Variants in DOCK1 observed in about 807,000 individuals in gnomAD.
DOCK1 encodes dedicator of cytokinesis 1, also known as dedicator of cytokinesis protein 1.
A neutral mutation model predicts 262.7 loss-of-function variants in DOCK1; 138 were observed. The ratio of observed to expected loss-of-function variants is 0.53; its 90% CI spans 0.46 to 0.61. The LOEUF is 0.61. Ranked by LOEUF, DOCK1 falls within the 20% of genes least tolerant of loss-of-function variation. The pLI, the probability that DOCK1 is intolerant of heterozygous loss-of-function variation, is 0.00. For missense variants in DOCK1, 1,908 were observed against 2,370.7 expected, an observed-to-expected ratio of 0.80 and a Z score of 4.05; for synonymous variants, 866 against 867.4, an observed-to-expected ratio of 1.00 and a Z score of 0.03.
chr10:127,194,077 C>T (rs558224288), intron 27 of DOCK1, among the ~76,000 whole-genome samples: 28 of 152,334 alleles, frequency 1.8e-4, no homozygotes, highest in African/African-American at 6.7e-4. Context: ...TTTTCAAGGA[C>T]ATCTTGTCTT....
intron 32 of DOCK1, among the ~76,000 whole-genome samples, chr10:127,356,321 G>A (rs149970812): frequency 8.5e-5 from 13 of 152,336 alleles, no homozygotes; most frequent in African/African-American, 3.1e-4. Context: ...CGTGAGGCCT[G>A]ATTCACATGG....
chr10:127,230,812 C>T (rs1044332897), intron 27 of DOCK1, among the ~76,000 whole-genome samples: 1 of 150,942 alleles, frequency 6.6e-6, no homozygotes, highest in Non-Finnish European at 1.5e-5. Flanking sequence ...GGTTCCAAAC[C>T]CATCTTAGAA....
intron 1 of DOCK1, among the ~76,000 whole-genome samples, chr10:126,951,852 A>G (rs1472543364): frequency 7.0e-6 from 1 of 142,612 alleles, no homozygotes; most frequent in Non-Finnish European, 1.5e-5. Flanking sequence ...CAGCCTCTTC[A>G]TTTTTTTTTT....
chr10:127,155,286 G>A (rs551799460), intron 27 of DOCK1, among the ~76,000 whole-genome samples: 1 of 152,134 alleles, frequency 6.6e-6, no homozygotes, highest in South Asian at 2.1e-4. Flanking sequence ...CAAAAGGATT[G>A]TCTGCTACAT....
intron 27 of DOCK1, among the ~76,000 whole-genome samples, chr10:127,204,234 A>C (rs905257600): frequency 3.3e-5 from 5 of 152,158 alleles, no homozygotes; most frequent in Non-Finnish European, 7.3e-5. Flanking sequence ...ATTTGTGTTC[A>C]TTTATTGGCT....
intron 31 of DOCK1, among the ~76,000 whole-genome samples, chr10:127,346,063 C>T (rs765074410): frequency 6.6e-6 from 1 of 152,244 alleles, no homozygotes; most frequent in Non-Finnish European, 1.5e-5. Context: ...GGTGAAGCCA[C>T]CTGCCCAAGT....
At chr10:127,154,042 G>T in intron 27 of DOCK1, 2 of 710,712 alleles carry the variant, frequency 2.8e-6, no homozygotes, top group South Asian at 3.3e-5. Context: ...CATGGAAATT[G>T]ATTAATGCAT....
chr10:127,107,467 C>T (rs923131123), intron 24 of DOCK1, among the ~76,000 whole-genome samples: 12 of 152,150 alleles, frequency 7.9e-5, no homozygotes, highest in African/African-American at 2.7e-4. Flanking sequence ...ATTTTCTGCT[C>T]CCAGGGCACC....
At chr10:127,449,787 C>T (rs2070837073) in intron 51 of DOCK1, among the ~76,000 whole-genome samples, 3 of 152,146 alleles carry the variant, frequency 2.0e-5, no homozygotes, top group Admixed American at 2.0e-4. Flanking sequence ...TGATCAGCCT[C>T]AGGCTTGTAG....
intron 27 of DOCK1, among the ~76,000 whole-genome samples, chr10:127,142,089 C>G (rs1402309657): frequency 7.2e-5 from 11 of 152,140 alleles, no homozygotes; most frequent in Admixed American, 7.2e-4. Flanking sequence ...TTACTTTGTC[C>G]CCTTTTCACT....
rs10663938 is a variant in DOCK1 at position 127,452,305 on chromosome 10, AAC to A, written c.*900_*901del. 0.035 allele frequency: 5,181 copies of A among 149,486 alleles called. 131 individuals carry two copies. Among genetic ancestry groups the A allele is most frequent in the Non-Finnish European group, 0.045 (3,038 of 67,068 alleles). The allele number at this position is 149,486 out of a possible 1,614,324, so 9.3% of individuals were successfully genotyped here. ...AATTTTTAACTGCTGGAAGTGTTAA[AAC>A]ACACACACACACACACACACATTTT... On this transcript the variant is annotated 3_prime_UTR_variant, in exon 52 of 52. Coordinates refer to ENST00000623213, the MANE Select transcript of DOCK1 (RefSeq NM_001290223.2).
chr10:127,204,033 T>G (rs1308712507), intron 27 of DOCK1, among the ~76,000 whole-genome samples: 1 of 152,106 alleles, frequency 6.6e-6, no homozygotes, highest in African/African-American at 2.4e-5. Flanking sequence ...GTACAAACGC[T>G]CCTGGCTTCA....
rs183052768 is a variant in DOCK1 at position 126,925,960 on chromosome 10, C to T, written c.46+20397C>T. On this transcript the variant is annotated intron_variant, in intron 1 of 51. Transcript: ENST00000623213. The stretch of plus-strand genomic sequence containing the variant: ...GGCCCTGAGCTCCATAAACTGAACC[C>T]GTGAGGGAGGTGCCTAGCTGGGTGC... Among the ~76,000 whole-genome samples the T allele has an allele frequency of 2.3e-3, 346 of 152,080 alleles. 2 individuals carry two copies. The highest frequency in any genetic ancestry group is 0.01 in the Middle Eastern group (3 of 294).
At chr10:127,270,005 A>G (rs1590212274) in intron 29 of DOCK1, among the ~76,000 whole-genome samples, 1 of 152,180 alleles carries the variant, frequency 6.6e-6, no homozygotes, top group Non-Finnish European at 1.5e-5. Flanking sequence ...CGGGGACTCC[A>G]CCTGCCTCCT....
chr10:127,353,133 C>T (rs952947711), intron 31 of DOCK1, among the ~76,000 whole-genome samples: 1 of 152,116 alleles, frequency 6.6e-6, no homozygotes, highest in Non-Finnish European at 1.5e-5. Flanking sequence ...GGGACTCACC[C>T]ACCTGCACAT....
At chr10:127,026,635 C>T in intron 16 of DOCK1, 1 of 577,850 alleles carries the variant, frequency 1.7e-6, no homozygotes, top group Non-Finnish European at 3.0e-6. Context: ...GTTCCTCCTA[C>T]CCAGTGTTGC....
At chr10:126,990,386 C>G in intron 5 of DOCK1, 69 bp from the exon 6 acceptor site, 1 of 1,451,132 alleles carries the variant, frequency 6.9e-7, no homozygotes. Context: ...GAAGAGATAG[C>G]CATTCTCTAC....
intron 15 of DOCK1, chr10:127,025,032 G>T: frequency 2.7e-6 from 1 of 364,182 alleles, no homozygotes; most frequent in Non-Finnish European, 5.0e-6. Context: ...TTTTAAGATA[G>T]CTATTGTCTT....
chr10:126,929,841 CG>C (rs1206012467), intron 1 of DOCK1, among the ~76,000 whole-genome samples: 1 of 152,134 alleles, frequency 6.6e-6, no homozygotes, highest in East Asian at 1.9e-4. Flanking sequence ...TGTAGCTAAC[CG>C]TTAACAAGAA....
Sources: allele counts gnomAD v4.1 joint callset (sites outside exome capture counted in the v4.1 genomes callset), GRCh38; gene constraint gnomAD v4.1.1; transcripts MANE v1.5; gene names NCBI Gene and HGNC (gene_info 2026-07-23, HGNC 2026-07-21).